ROS1: variants seen among roughly 807,000 people sequenced by gnomAD.
ROS1 encodes ROS proto-oncogene 1, receptor tyrosine kinase.
In ROS1, 263 loss-of-function variants were observed where a neutral mutation model predicts 273.5. That is an observed-to-expected ratio of 0.96 (90% CI 0.87 to 1.06). ROS1 has a LOEUF of 1.06. Ranked by LOEUF, ROS1 falls within the 50% of genes least tolerant of loss-of-function variation. The pLI is 0.00. For synonymous variants in ROS1, 1,008 were observed against 954.1 expected, an observed-to-expected ratio of 1.06 and a Z score of -1.04; for missense variants, 2,833 against 2,751.1, an observed-to-expected ratio of 1.03 and a Z score of -0.67.
chr6:117,378,315 G>T (rs2128683363), intron 18 of ROS1, among the ~76,000 whole-genome samples: 1 of 152,158 alleles, frequency 6.6e-6, no homozygotes, highest in Non-Finnish European at 1.5e-5. Flanking sequence ...TTCACACAAT[G>T]GAATACCACT....
rs550291490 is a variant in ROS1, at chr6:117,319,800, T to C, written c.5922+68A>G. The stretch of plus-strand genomic sequence containing the variant: ...AAAGAGCACTCAACTTTTATTATAA[T>C]TATATCCAGGTCAATCTTTGTAGAT... On this transcript the variant is annotated intron_variant, in intron 37 of 43. Coordinates refer to ENST00000368507, the MANE Select transcript of ROS1 (RefSeq NM_001378902.1). The C allele has an allele frequency of 5.9e-5, 83 of 1,408,290 alleles. No individual in the cohort carries two copies. The African/African-American group carries it at 9.8e-4, about 17-fold the overall frequency. 87.2% of individuals were successfully genotyped at this position (1,408,290 alleles called of 1,614,324 possible).
At chr6:117,337,530 T>G (rs1352514791) in intron 31 of ROS1, among the ~76,000 whole-genome samples, 190 bp from the exon 32 acceptor site, 3 of 152,098 alleles carry the variant, frequency 2.0e-5, no homozygotes, top group Non-Finnish European at 4.4e-5. Context: ...TATGACAAGA[T>G]ATAACTGATT....
In ROS1 at chr6:117,319,984, G is replaced by A. The variant is rs370269692; in HGVS notation, c.5806C>T (p.Arg1936Trp). Residue 1936 changes from arginine to tryptophan, a missense_variant, in exon 37 of 44, where the codon CGG (arginine) becomes TGG (tryptophan). Transcript: ENST00000368507. ...AAGAGACGCAGAGTCAGTTTTTCCC[G>A]AGGGAAGGCAGGAAGATTTTCAATC... Reference protein sequence around the residue: ...EEIENLPAFPREKLTLRLLLG... With the variant: ...EEIENLPAFPWEKLTLRLLLG... 274 of 1,613,266 alleles carry A rather than the reference G, an allele frequency of 1.7e-4. 1 individual carries two copies. The highest frequency in any genetic ancestry group is 2.2e-4 in the Non-Finnish European group (264 of 1,179,590).
chr6:117,355,848 T>TCACTTGA (rs1779264104), intron 26 of ROS1, among the ~76,000 whole-genome samples: 1 of 152,078 alleles, frequency 6.6e-6, no homozygotes, highest in African/African-American at 2.4e-5. Flanking sequence ...TGACCTCAAG[T>TCACTTGA]GATCTACCCA....
Position 117,394,657 on chromosome 6 carries a change from G to C in ROS1, c.965C>G (p.Ala322Gly). ...TATAGCATCCAACCGAAGGCAATGT[G>C]CTTCATCTACTAAATGTTTTAAAGA... ...KRSLKHLVDE[A>G]HCLRLDAIYH... Residue 322 changes from alanine to glycine, a missense_variant, in exon 10 of 44, where the codon GCA (alanine) becomes GGA (glycine). Ala to Gly is a moderately conservative substitution (Grantham distance 60). Transcript: ENST00000368507. 6.2e-7 allele frequency: 1 copy of C among 1,611,030 alleles called. No individual in the cohort carries two copies. The highest frequency in any genetic ancestry group is 8.5e-7 in the Non-Finnish European group (1 of 1,177,890).
rs1426535491 is a variant in ROS1 at position 117,343,245 on chromosome 6, A to T, written c.4507-701T>A. On this transcript the variant is annotated intron_variant, in intron 28 of 43. Coordinates refer to ENST00000368507, the MANE Select transcript of ROS1 (RefSeq NM_001378902.1). ...TGGCCAGCCAAATGATCTATCTGAA[A>T]TTACTTATTTTAGAAATGTGTAAAA... Among the ~76,000 whole-genome samples, 44 of 152,200 alleles carry T rather than the reference A, an allele frequency of 2.9e-4. 1 individual carries two copies. Among genetic ancestry groups the T allele is most frequent in the African/African-American group, 4.8e-5 (2 of 41,454 alleles).
chr6:117,350,671 T>G, intron 27 of ROS1, among the ~76,000 whole-genome samples: 1 of 149,692 alleles, frequency 6.7e-6, no homozygotes. Context: ...TTGAATATTC[T>G]GTTTCGGTTT....
intron 5 of ROS1, 56 bp downstream of exon 5, chr6:117,409,526 T>C (rs1462764333): frequency 1.6e-6 from 2 of 1,224,130 alleles, no homozygotes; most frequent in African/African-American, 1.5e-5. Flanking sequence ...TTTACATAAG[T>C]ACAAGTCACT....
chr6:117,315,679 C>A (rs1346723979), intron 39 of ROS1, among the ~76,000 whole-genome samples: 2 of 152,080 alleles, frequency 1.3e-5, no homozygotes, highest in African/African-American at 4.8e-5. Context: ...TTTTGCTGCA[C>A]ATGCATACTT....
rs1779899006 is a variant in ROS1, at chr6:117,362,668, C to T, written c.3301G>A (p.Val1101Ile). The T allele has an allele frequency of 1.9e-6, 3 of 1,613,096 alleles. No individual in the cohort carries two copies. The highest frequency in any genetic ancestry group is 1.3e-5 in the African/African-American group (1 of 74,874). The change falls in exon 22 of 44, where the codon GTC becomes ATC. Residue 1101 changes from valine (V) to isoleucine (I), a missense_variant. By Grantham distance (29) the Val-to-Ile change is conservative. Coordinates refer to ENST00000368507, the MANE Select transcript of ROS1 (RefSeq NM_001378902.1). ...KTCEDWIAVN[V>I]TPSVMSFQLE... ...TGAAAAGACATCACTGAGGGAGTGA[C>T]ATTGACAGCAATCCAGTCTTCACAT...
chr6:117,362,517 T>C, intron 22 of ROS1, 86 bp downstream of exon 22: 8 of 1,310,932 alleles, frequency 6.1e-6, no homozygotes, highest in Non-Finnish European at 8.4e-6. Context: ...CCATTTACAC[T>C]GTAACATATC....
intron 32 of ROS1, among the ~76,000 whole-genome samples, chr6:117,336,374 C>T (rs1457556027): frequency 6.6e-6 from 1 of 152,062 alleles, no homozygotes; most frequent in East Asian, 1.9e-4. Context: ...TCCTTGTGTC[C>T]ATGCGTTCTC....
At chr6:117,367,578 T>G (rs986587583) in intron 18 of ROS1, among the ~76,000 whole-genome samples, 2 of 152,210 alleles carry the variant, frequency 1.3e-5, no homozygotes, top group African/African-American at 4.8e-5. Flanking sequence ...CCCACATGAC[T>G]ATTCTCATTT....
chr6:117,415,850 G>T (rs139797530), intron 3 of ROS1, among the ~76,000 whole-genome samples: 2,367 of 152,254 alleles, frequency 0.016, 35 homozygotes, highest in Non-Finnish European at 0.025. Flanking sequence ...CTTGTTACAA[G>T]TGCAGAATCT....
chr6:117,384,504 G>A (rs546732990), intron 16 of ROS1, among the ~76,000 whole-genome samples: 5 of 152,260 alleles, frequency 3.3e-5, no homozygotes, highest in East Asian at 3.9e-4. Context: ...GGATTTCAAC[G>A]CATTGGTAGT....
intron 39 of ROS1, among the ~76,000 whole-genome samples, chr6:117,313,760 T>C (rs1054763554): frequency 2.0e-5 from 3 of 152,154 alleles, no homozygotes; most frequent in Non-Finnish European, 4.4e-5. Context: ...AAAAGGCCTC[T>C]GCTGGTTCTT....
intron 40 of ROS1, among the ~76,000 whole-genome samples, chr6:117,310,530 C>T (rs1044101142): frequency 1.3e-5 from 2 of 152,028 alleles, no homozygotes; most frequent in African/African-American, 4.8e-5. Flanking sequence ...TCTCCTAATG[C>T]TCTCCCTTCC....
chr6:117,356,717 CA>C lies in ROS1; in HGVS notation c.4037del (p.Leu1346Ter), dbSNP rs1779343013. ...AIDTSNLEKP[L>X]IYFAKAQEIW... ...TCTCTTGTGCTTTGGCAAAGTATAT[CA>C]ATGGTTTCTCTAGGTTAGAGGTATC... On this transcript the variant is annotated frameshift_variant, in exon 26 of 44. Coordinates refer to ENST00000368507, the MANE Select transcript of ROS1 (RefSeq NM_001378902.1). LOFTEE classifies it high-confidence loss of function. The C allele has an allele frequency of 6.2e-7, 1 of 1,614,050 alleles. No individual in the cohort carries two copies.
At chr6:117,413,256 C>T (rs1188814091) in intron 4 of ROS1, among the ~76,000 whole-genome samples, 2 of 152,180 alleles carry the variant, frequency 1.3e-5, no homozygotes, top group Non-Finnish European at 2.9e-5. Context: ...AAGAATACAA[C>T]ATAGGTTTTA....
Sources: allele counts gnomAD v4.1 joint callset (sites outside exome capture counted in the v4.1 genomes callset), GRCh38; gene constraint gnomAD v4.1.1; transcripts MANE v1.5; gene names NCBI Gene and HGNC (gene_info 2026-07-23, HGNC 2026-07-21).